PTPRU: variants seen among roughly 807,000 people sequenced by gnomAD.
The protein encoded by PTPRU is protein tyrosine phosphatase receptor type U.
In PTPRU, 69 loss-of-function variants were observed where a neutral mutation model predicts 166.3. The ratio of observed to expected loss-of-function variants is 0.41; its 90% CI spans 0.34 to 0.51. The LOEUF (loss-of-function observed/expected upper bound fraction) is 0.51. PTPRU is among the 20% of genes least tolerant of loss of function. The pLI is 0.09. For missense variants in PTPRU, 1,657 were observed against 2,013.7 expected, an observed-to-expected ratio of 0.82 and a Z score of 3.39; for synonymous variants, 793 against 814.0, an observed-to-expected ratio of 0.97 and a Z score of 0.44.
chr1:29,289,807 C>A, intron 14 of PTPRU: 1 of 1,424,176 alleles, frequency 7.0e-7, no homozygotes, highest in Non-Finnish European at 9.7e-7. Flanking sequence ...CTCGCTGCAC[C>A]CAGCCTGGCC....
At chr1:29,298,462 A>G (rs764967852) in intron 15 of PTPRU, among the ~76,000 whole-genome samples, 45 of 152,064 alleles carry the variant, frequency 3.0e-4, no homozygotes, top group Non-Finnish European at 4.7e-4. Flanking sequence ...GGATCCTTCT[A>G]TGCAAATTTT....
chr1:29,312,834 A>C (rs1472801576), intron 22 of PTPRU, 128 bp downstream of exon 22: 6 of 1,244,012 alleles, frequency 4.8e-6, no homozygotes, highest in Non-Finnish European at 5.3e-6. Flanking sequence ...GATGGAGTGC[A>C]GGAGGGAACG....
At chr1:29,295,531 C>T (rs1301975826) in intron 15 of PTPRU, among the ~76,000 whole-genome samples, 5 of 152,140 alleles carry the variant, frequency 3.3e-5, no homozygotes, top group Admixed American at 1.3e-4. Flanking sequence ...CAATAATTCT[C>T]TCCATAAAAT....
Position 29,279,501 on chromosome 1 carries a change from C to T in PTPRU, c.1609C>T (p.Pro537Ser), listed in dbSNP as rs753380680. Residue 537 changes from proline to serine, a missense_variant, in exon 10 of 30, where the codon CCA (proline) becomes TCA (serine). Pro to Ser is a moderately conservative substitution (Grantham distance 74). Around this residue, in one of 3 missense-constraint regions of PTPRU, gnomAD observed 1,190 missense variants for 1,477.4 expected, o/e 0.81. Coordinates refer to ENST00000373779, the MANE Select transcript of PTPRU (RefSeq NM_133178.4). This position sits in a 1 kb window ranked among gnomAD's most constrained non-coding sequence, Gnocchi z 5.2. ...IESSDPAVNV[P>S]GPRRTISKLR... ...GTCATCAGACCCGGCAGTGAACGTG[C>T]CAGGCCCACGACGTACCATCTCCAA... 1 of 1,614,194 alleles carries T rather than the reference C, an allele frequency of 6.2e-7. No individual in the cohort carries two copies. Among genetic ancestry groups the T allele is most frequent in the South Asian group, 1.1e-5 (1 of 91,090 alleles).
At position 29,310,725 on chromosome 1, in the gene PTPRU, C is replaced by G; in HGVS notation, c.2821-19C>G. The G allele has an allele frequency of 6.2e-7, 1 of 1,612,472 alleles. No homozygotes were observed. The highest frequency in any genetic ancestry group is 8.5e-7 in the Non-Finnish European group (1 of 1,178,550). On this transcript the variant is annotated intron_variant, in intron 18 of 29. Coordinates refer to ENST00000373779, the MANE Select transcript of PTPRU (RefSeq NM_133178.4). ...GGCTACTCCCTGGGGTCTAACCGTG[C>G]CCTCTCCTCCTGTTCCAGGGTTACC...
intron 1 of PTPRU, among the ~76,000 whole-genome samples, chr1:29,247,269 C>T (rs1040586655): frequency 1.3e-5 from 2 of 152,270 alleles, no homozygotes; most frequent in African/African-American, 4.8e-5. Context: ...CGCGGTGTGC[C>T]TTGTGCAGCT....
In PTPRU at chr1:29,257,516, G is replaced by A. The variant is rs189445175; in HGVS notation, c.206-989G>A. Among the ~76,000 whole-genome samples the A allele has an allele frequency of 6.6e-6, 1 of 152,314 alleles. No homozygotes were observed. Among genetic ancestry groups the A allele is most frequent in the Non-Finnish European group, 1.5e-5 (1 of 68,032 alleles). Reference sequence around the variant, plus strand: ...TTGGGAAGCCCAAATCCCCCCGCCAGGTCCTGAGCCAGCCTAGTCCACTTC... The same window carrying A: ...TTGGGAAGCCCAAATCCCCCCGCCAAGTCCTGAGCCAGCCTAGTCCACTTC... On this transcript the variant is annotated intron_variant, in intron 2 of 29. Transcript: ENST00000373779. The surrounding 1 kb of genome is among the most constrained non-coding windows in gnomAD (Gnocchi z 4.6).
Position 29,258,711 on chromosome 1 carries a change from T to C in PTPRU, c.412T>C (p.Ser138Pro), listed in dbSNP as rs751189045. 3 of 1,611,196 alleles carry C rather than the reference T, an allele frequency of 1.9e-6. No homozygotes were observed. The Admixed American group carries it at 5.0e-5, about 27-fold the overall frequency. The change falls in exon 3 of 30, where the codon TCC becomes CCC. Residue 138 changes from serine to proline, a missense_variant. This residue lies in a region of PTPRU where 453 missense variants were observed against 496.9 expected (regional missense o/e 0.91). Coordinates refer to ENST00000373779, the MANE Select transcript of PTPRU (RefSeq NM_133178.4). ...CAGTGCTGTGTGGAATATGACTGGA[T>C]CCCACGGCCGTCAGTGGCACCAGGC... ...LGSAVWNMTG[S>P]HGRQWHQAEL...
rs943917533 is a variant in PTPRU at position 29,259,246 on chromosome 1, T to G, written c.478-15T>G. The G allele has an allele frequency of 2.2e-5, 36 of 1,609,618 alleles. No individual in the cohort carries two copies. Among genetic ancestry groups the G allele is most frequent in the Non-Finnish European group, 2.9e-5 (34 of 1,176,980 alleles). Reference sequence around the variant, plus strand: ...AGGAATATCAGTATGATAGGGGCCCTCCCGCCTCCCCCAGGTGCTGTTTGA... The same window carrying G: ...AGGAATATCAGTATGATAGGGGCCCGCCCGCCTCCCCCAGGTGCTGTTTGA... On this transcript the variant is annotated splice_polypyrimidine_tract_variant and intron_variant, in intron 3 of 29. Coordinates refer to ENST00000373779, the MANE Select transcript of PTPRU (RefSeq NM_133178.4).
Position 29,303,940 on chromosome 1 carries a change from A to C in PTPRU, c.2562A>C (p.Pro854=). Residue 854 remains proline (P), a synonymous_variant, in exon 16 of 30, where the codon CCA becomes CCC. Coordinates refer to ENST00000373779, the MANE Select transcript of PTPRU (RefSeq NM_133178.4). ...PRRPCGRKGS[P]YHTGQLHPAV... ...GTCCCTGTGGCCGGAAGGGCTCCCC[A>C]TACCACACGGGGCAGCTGCACCCTG... 6.2e-7 allele frequency: 1 copy of C among 1,613,890 alleles called. No homozygotes were observed. Among genetic ancestry groups the C allele is most frequent in the Non-Finnish European group, 8.5e-7 (1 of 1,179,740 alleles).
chr1:29,240,235 G>C (rs1683981855), intron 1 of PTPRU, among the ~76,000 whole-genome samples: 1 of 152,016 alleles, frequency 6.6e-6, no homozygotes, highest in Non-Finnish European at 1.5e-5. Flanking sequence ...GAAGTCGGGG[G>C]GTGGGGGTCA....
intron 15 of PTPRU, among the ~76,000 whole-genome samples, chr1:29,297,582 T>C (rs6681000): frequency 0.25 from 38,032 of 152,018 alleles, 6,012 homozygotes; most frequent in East Asian, 0.63. Flanking sequence ...GAGGAGGCAC[T>C]GTATGTGCAA....
intron 14 of PTPRU, 130 bp downstream of exon 14, chr1:29,284,999 C>T: frequency 1.6e-6 from 2 of 1,249,282 alleles, no homozygotes; most frequent in Non-Finnish European, 2.2e-6. Flanking sequence ...CCAGCCTGGG[C>T]ATCGCCTCTA....
rs995593033 is a variant in PTPRU at position 29,315,873 on chromosome 1, G to A, written c.3364-129G>A. Reference sequence around the variant, plus strand: ...GGTTGTTTCAGGTAGGCTTGGTCCAGCCTGTAGTAACATGGTTGGCCTCCA... The same window carrying A: ...GGTTGTTTCAGGTAGGCTTGGTCCAACCTGTAGTAACATGGTTGGCCTCCA... On this transcript the variant is annotated intron_variant, in intron 23 of 29. Coordinates refer to ENST00000373779, the MANE Select transcript of PTPRU (RefSeq NM_133178.4). This position sits in a 1 kb window ranked among gnomAD's most constrained non-coding sequence, Gnocchi z 4.5. 1 of 1,193,524 alleles carries A rather than the reference G, an allele frequency of 8.4e-7. No individual in the cohort carries two copies. The highest frequency in any genetic ancestry group is 1.5e-5 in the African/African-American group (1 of 65,334). The allele number at this position is 1,193,524 out of a possible 1,614,324, so 73.9% of individuals were successfully genotyped here. A position where few individuals can be genotyped will look rare whatever the true frequency, so the allele number is the denominator to read the frequency against.
intron 7 of PTPRU, among the ~76,000 whole-genome samples, chr1:29,261,715 T>C (rs1401574252): frequency 6.6e-6 from 1 of 152,156 alleles, no homozygotes; most frequent in Non-Finnish European, 1.5e-5. Flanking sequence ...GTATTTTTAC[T>C]GGAGACAGAG....
In PTPRU at chr1:29,262,803, T is replaced by G. The variant is rs148417840; in HGVS notation, c.1144+1900T>G. On this transcript the variant is annotated intron_variant, in intron 7 of 29. Coordinates refer to ENST00000373779, the MANE Select transcript of PTPRU (RefSeq NM_133178.4). ...TCAATTTTGGAACATTTTCATCACC[T>G]CAGAAGGAAATTTTGTACTCTTTAG... Among the ~76,000 whole-genome samples, 338 of 152,188 alleles carry G rather than the reference T, an allele frequency of 2.2e-3. 1 individual carries two copies. The highest frequency in any genetic ancestry group is 7.6e-3 in the African/African-American group (315 of 41,506).
In PTPRU at chr1:29,260,721, A is replaced by T. The variant is rs1223313718; in HGVS notation, c.962A>T (p.Glu321Val). ...IIGDGPIVRK[E>V]IEYRMARGPW... ...GGCGACGGGCCGATCGTGCGCAAGG[A>T]GATTGAGTACCGCATGGCGCGCGGG... Residue 321 changes from glutamate to valine, a missense_variant, in exon 7 of 30, where the codon GAG becomes GTG. This residue lies in a region of PTPRU where 453 missense variants were observed against 496.9 expected (regional missense o/e 0.91). Coordinates refer to ENST00000373779, the MANE Select transcript of PTPRU (RefSeq NM_133178.4). The surrounding 1 kb of genome is among the most constrained non-coding windows in gnomAD (Gnocchi z 8.3). 6.2e-7 allele frequency: 1 copy of T among 1,604,560 alleles called. No individual in the cohort carries two copies.
Position 29,282,862 on chromosome 1 carries a change from C to A in PTPRU, c.2055C>A (p.Asn685Lys). ...PEAMPFTVGD[N>K]QTYRGFWNPP... is the part of the protein sequence containing the mutation. ...CCATGCCCTTTACCGTGGGTGACAACCAGACCTACCGAGGCTTCTGGAACC... is the reference window on the plus strand; with the variant it reads ...CCATGCCCTTTACCGTGGGTGACAAACAGACCTACCGAGGCTTCTGGAACC... Residue 685 changes from asparagine (N) to lysine (K), a missense_variant, in exon 12 of 30, where the codon AAC (asparagine) becomes AAA (lysine). Asn to Lys is a moderately conservative substitution (Grantham distance 94). Transcript: ENST00000373779. 1 of 1,614,122 alleles carries A rather than the reference C, an allele frequency of 6.2e-7. No homozygotes were observed. Among genetic ancestry groups the A allele is most frequent in the East Asian group, 2.2e-5 (1 of 44,866 alleles).
At chr1:29,270,342 T>C (rs1180622012) in intron 7 of PTPRU, among the ~76,000 whole-genome samples, 1 of 152,148 alleles carries the variant, frequency 6.6e-6, no homozygotes, top group East Asian at 1.9e-4. Flanking sequence ...AGCCTCACTC[T>C]GTCACCCAGG....
Sources: gnomAD v4.1 joint callset for allele counts (sites outside exome capture counted in the v4.1 genomes callset) on GRCh38, gnomAD v4.1.1 for gene constraint, gnomAD v4.1.1 regional missense constraint, Gnocchi (gnomAD v3.1) non-coding constraint, MANE v1.5 for transcripts, NCBI Gene and HGNC (gene_info 2026-07-23, HGNC 2026-07-21) for gene names.